The following NR2C2 variants were observed in gnomAD, a reference collection of about 807,000 sequenced individuals.
NR2C2 encodes Nuclear hormone receptor TR4.
NR2C2 carries 6 observed loss-of-function variants against 62.9 expected under a neutral mutation model. The observed-to-expected ratio is 0.10, with a 90% CI of 0.05 to 0.19. NR2C2 has a LOEUF of 0.19. Among genes scored for constraint, NR2C2 ranks in the 10% least tolerant of loss-of-function variants. The pLI, the probability that NR2C2 is intolerant of heterozygous loss-of-function variation, is 1.00. For synonymous variants in NR2C2, 272 were observed against 273.8 expected, an observed-to-expected ratio of 0.99 and a Z score of 0.07; for missense variants, 479 against 762.7, an observed-to-expected ratio of 0.63 and a Z score of 4.38.
In NR2C2 at chr3:14,974,605, G is replaced by A. The variant is rs957895504; in HGVS notation, c.-40+26699G>A. ...TTCGGTGTATACTTATGGTTTTTTT[G>A]TTGGTTTTTTTTTTTTTTGAGATGG... On this transcript the variant is annotated intron_variant, in intron 1 of 13. Transcript: ENST00000425241. Among the ~76,000 whole-genome samples the A allele has an allele frequency of 2.1e-5, 3 of 146,042 alleles. No individual in the cohort carries two copies. In the Admixed American group the frequency reaches 2.1e-4, roughly 10 times the overall value.
chr3:14,995,668 C>CGTGT (rs58878848), intron 1 of NR2C2, among the ~76,000 whole-genome samples: 58 of 148,624 alleles, frequency 3.9e-4, no homozygotes, highest in East Asian at 1.2e-3. Context: ...GTTTTCATTA[C>CGTGT]GTGTGTGTGT....
chr3:15,003,920 C>T lies in NR2C2; in HGVS notation c.6C>T (p.Thr2=). Residue 2 remains threonine, a synonymous_variant, in exon 2 of 14, where the codon ACC becomes ACT. Coordinates refer to ENST00000425241, the MANE Select transcript of NR2C2 (RefSeq NM_001291694.2). ...CTCGGCCGGAATCTCCAGGGATGAC[C>T]AGCCCCTCCCCACGCATCCAGATAA... The part of the protein sequence containing the change: M[T]SPSPRIQIIS... 1 of 1,613,976 alleles carries T rather than the reference C, an allele frequency of 6.2e-7. No homozygotes were observed.
intron 1 of NR2C2, among the ~76,000 whole-genome samples, chr3:14,950,510 G>GTAGCT (rs1470473371): frequency 6.8e-6 from 1 of 146,246 alleles, no homozygotes; most frequent in Non-Finnish European, 1.5e-5. Flanking sequence ...CTTGACCAGT[G>GTAGCT]TAGCTTACAG....
intron 1 of NR2C2, among the ~76,000 whole-genome samples, chr3:14,960,193 C>G (rs1258095027): frequency 1.3e-5 from 2 of 152,034 alleles, no homozygotes; most frequent in Non-Finnish European, 2.9e-5. Flanking sequence ...TAAATTTAGC[C>G]TTATTAAATT....
At chr3:15,018,482 A>G (rs2041575593) in intron 4 of NR2C2, among the ~76,000 whole-genome samples, 1 of 152,250 alleles carries the variant, frequency 6.6e-6, no homozygotes. Context: ...AAGACATTCA[A>G]ATGGCCGAGT....
Position 15,043,144 on chromosome 3 carries a change from T to G in NR2C2, c.*136T>G. 1.4e-6 allele frequency: 1 copy of G among 731,194 alleles called. No individual in the cohort carries two copies. 45.3% of individuals were successfully genotyped at this position (731,194 alleles called of 1,614,324 possible). ...TCCTGTCTGGTTTCTCCTTATCTGT[T>G]AATCCCAGACAATAGCAATTAAAAG... On this transcript the variant is annotated 3_prime_UTR_variant, in exon 14 of 14. Coordinates refer to ENST00000425241, the MANE Select transcript of NR2C2 (RefSeq NM_001291694.2).
chr3:15,006,691 T>G (rs1357069305), intron 2 of NR2C2, among the ~76,000 whole-genome samples: 1 of 152,004 alleles, frequency 6.6e-6, no homozygotes, highest in Non-Finnish European at 1.5e-5. Flanking sequence ...AAACTGTTCC[T>G]CCCAGGGCTT....
chr3:15,010,312 C>A (rs1489707063), intron 2 of NR2C2, among the ~76,000 whole-genome samples: 3 of 150,682 alleles, frequency 2.0e-5, no homozygotes, highest in South Asian at 2.1e-4. Flanking sequence ...TGGGCGTGAT[C>A]TCTCTAAATG....
chr3:15,019,872 T>G (rs913004022), intron 4 of NR2C2, among the ~76,000 whole-genome samples: 15 of 152,194 alleles, frequency 9.9e-5, no homozygotes, highest in Non-Finnish European at 1.3e-4. Flanking sequence ...CAATAAGGTA[T>G]TATATATTAT....
chr3:14,949,168 CTAGAGTTGGGGGCTGGGGGGTGAA>C (rs71855918), intron 1 of NR2C2, among the ~76,000 whole-genome samples: 9,841 of 152,218 alleles, frequency 0.065, 395 homozygotes, highest in East Asian at 0.13. Flanking sequence ...CCTGCCCTCA[CTAGAGTTGGGGGCTGGGGGGTGAA>C]TAGACAAATA....
intron 1 of NR2C2, among the ~76,000 whole-genome samples, chr3:14,953,229 C>T (rs1480423898): frequency 6.6e-6 from 1 of 152,176 alleles, no homozygotes; most frequent in East Asian, 1.9e-4. Context: ...AATAAGAGGC[C>T]TGAAGTCCTT....
intron 11 of NR2C2, among the ~76,000 whole-genome samples, chr3:15,035,760 C>T (rs989917924): frequency 2.6e-5 from 4 of 152,238 alleles, no homozygotes; most frequent in African/African-American, 9.6e-5. Flanking sequence ...GGTGCAGTGG[C>T]TCACGCCTAT....
intron 8 of NR2C2, among the ~76,000 whole-genome samples, chr3:15,029,838 T>C (rs527947404): frequency 2.1e-4 from 25 of 119,684 alleles, no homozygotes; most frequent in African/African-American, 9.3e-4. Flanking sequence ...GATAGATAGA[T>C]AGATATAGAT....
At chr3:15,012,956 T>G (rs2124983161) in intron 2 of NR2C2, among the ~76,000 whole-genome samples, 1 of 152,250 alleles carries the variant, frequency 6.6e-6, no homozygotes, top group Non-Finnish European at 1.5e-5. Flanking sequence ...CTTCGGTGCA[T>G]CCTAGGATCT....
chr3:14,981,173 TTAACA>T (rs1443812625), intron 1 of NR2C2, among the ~76,000 whole-genome samples: 1 of 152,200 alleles, frequency 6.6e-6, no homozygotes, highest in East Asian at 1.9e-4. Flanking sequence ...CTATTTAGTC[TTAACA>T]TAAAGCCACA....
intron 1 of NR2C2, among the ~76,000 whole-genome samples, chr3:14,993,441 C>CA (rs1239222111): frequency 2.3e-5 from 3 of 133,166 alleles, no homozygotes; most frequent in Admixed American, 1.6e-4. Context: ...GCGACAGGAG[C>CA]AAAACTCCAT....
chr3:14,955,955 GCT>G (rs940888505), intron 1 of NR2C2, among the ~76,000 whole-genome samples: 1 of 152,164 alleles, frequency 6.6e-6, no homozygotes. Context: ...ACCCAGCCTT[GCT>G]ACTTCTACCA....
chr3:15,030,185 C>T (rs2041943301), intron 8 of NR2C2, 90 bp from the exon 9 acceptor site: 1 of 1,075,130 alleles, frequency 9.3e-7, no homozygotes, highest in South Asian at 1.5e-5. Context: ...TATCTTTTCC[C>T]ACTGTAGTTT....
At chr3:14,977,366 C>T (rs1264260482) in intron 1 of NR2C2, among the ~76,000 whole-genome samples, 1 of 152,186 alleles carries the variant, frequency 6.6e-6, no homozygotes, top group East Asian at 1.9e-4. Flanking sequence ...GAAAGTAATA[C>T]ATTGTGGCAG....
Sources: allele counts gnomAD v4.1 joint callset (sites outside exome capture counted in the v4.1 genomes callset), GRCh38; gene constraint gnomAD v4.1.1; transcripts MANE v1.5; gene names NCBI Gene and HGNC (gene_info 2026-07-23, HGNC 2026-07-21).